The following SH3PXD2A variants were observed in gnomAD, a reference collection of about 807,000 sequenced individuals.
SH3PXD2A encodes SH3 and PX domains 2A, also known as SH3 and PX domain-containing protein 2A.
SH3PXD2A carries 32 observed loss-of-function variants against 115.2 expected under a neutral mutation model. The observed-to-expected ratio is 0.28, with a 90% confidence interval of 0.21 to 0.37. The LOEUF (loss-of-function observed/expected upper bound fraction) is 0.37, where lower values mean the gene tolerates loss of function less well. Ranked by LOEUF, SH3PXD2A falls within the 10% of genes least tolerant of loss-of-function variation. The pLI, the probability that SH3PXD2A is intolerant of heterozygous loss-of-function variation, is 1.00. For synonymous variants in SH3PXD2A, 610 were observed against 629.1 expected, an observed-to-expected ratio of 0.97 and a Z score of 0.45; for missense variants, 1,328 against 1,498.7, an observed-to-expected ratio of 0.89 and a Z score of 1.88.
chr10:103,776,395 CAAA>C (rs11384789), intron 2 of SH3PXD2A, among the ~76,000 whole-genome samples: 9 of 88,308 alleles, frequency 1.0e-4, no homozygotes, highest in Admixed American at 3.7e-4. Flanking sequence ...ACCACTGTCT[CAAA>C]AAAAAAAAAA....
intron 11 of SH3PXD2A, among the ~76,000 whole-genome samples, chr10:103,615,486 GTGT>G (rs2036500215): frequency 6.4e-5 from 2 of 31,264 alleles, no homozygotes; most frequent in East Asian, 1.7e-3. Flanking sequence ...GTGCGAGGGT[GTGT>G]GTGTGTGTGT....
chr10:103,649,844 C>T (rs1262033874), intron 8 of SH3PXD2A, among the ~76,000 whole-genome samples: 1 of 152,210 alleles, frequency 6.6e-6, no homozygotes, highest in African/African-American at 2.4e-5. Flanking sequence ...ACCTCACCCC[C>T]TTCCTGGGGG....
At chr10:103,674,498 C>T (rs945718321) in intron 6 of SH3PXD2A, among the ~76,000 whole-genome samples, 3 of 152,128 alleles carry the variant, frequency 2.0e-5, no homozygotes, top group Admixed American at 6.6e-5. Flanking sequence ...ACACGGATGG[C>T]CAATTCGTAA....
intron 6 of SH3PXD2A, among the ~76,000 whole-genome samples, chr10:103,680,733 AAAG>A (rs766752938): frequency 1.4e-4 from 21 of 152,250 alleles, no homozygotes; most frequent in Non-Finnish European, 2.9e-4. Flanking sequence ...GGCAAGGCAG[AAAG>A]AAGAGAGTCA....
intron 14 of SH3PXD2A, among the ~76,000 whole-genome samples, 195 bp downstream of exon 14, chr10:103,605,603 G>GT (rs1342982673): frequency 1.3e-5 from 2 of 152,194 alleles, no homozygotes; most frequent in Admixed American, 1.3e-4. Context: ...AGGGTGGAGC[G>GT]TGAGAGCTGG....
chr10:103,703,741 TTTAA>T (rs1436489871), intron 5 of SH3PXD2A, among the ~76,000 whole-genome samples: 1 of 152,196 alleles, frequency 6.6e-6, no homozygotes, highest in Non-Finnish European at 1.5e-5. Context: ...TTTCATTTTG[TTTAA>T]TTAAGACTTA....
At chr10:103,654,694 G>A (rs1225259293) in intron 8 of SH3PXD2A, among the ~76,000 whole-genome samples, 1 of 152,138 alleles carries the variant, frequency 6.6e-6, no homozygotes, top group Non-Finnish European at 1.5e-5. Context: ...TGGGATTACA[G>A]GCATAAGCCA....
intron 2 of SH3PXD2A, among the ~76,000 whole-genome samples, chr10:103,774,656 G>A (rs1182675809): frequency 6.6e-6 from 1 of 152,154 alleles, no homozygotes; most frequent in East Asian, 1.9e-4. Context: ...TCTGAAAAGT[G>A]TTGATTTTTG....
chr10:103,645,044 A>G (rs1039335234), intron 8 of SH3PXD2A, among the ~76,000 whole-genome samples: 3 of 152,140 alleles, frequency 2.0e-5, no homozygotes, highest in Admixed American at 2.0e-4. Flanking sequence ...CTTCAAAGCC[A>G]CTAACTTTGT....
chr10:103,744,190 G>A (rs2038475159), intron 3 of SH3PXD2A, among the ~76,000 whole-genome samples: 1 of 141,510 alleles, frequency 7.1e-6, no homozygotes, highest in Non-Finnish European at 1.5e-5. Flanking sequence ...TTTCGCTCTT[G>A]TTGCCCAGGC....
chr10:103,845,611 C>A (rs1377834551), intron 1 of SH3PXD2A, among the ~76,000 whole-genome samples: 2 of 152,272 alleles, frequency 1.3e-5, no homozygotes, highest in Non-Finnish European at 2.9e-5. Flanking sequence ...CAGTGGCCCT[C>A]GGGGCTGCTC....
At chr10:103,674,106 C>T (rs1027602346) in intron 6 of SH3PXD2A, among the ~76,000 whole-genome samples, 3 of 152,236 alleles carry the variant, frequency 2.0e-5, no homozygotes, top group Admixed American at 1.3e-4. Context: ...TCCCATACAA[C>T]TAAACTTTGT....
intron 1 of SH3PXD2A, among the ~76,000 whole-genome samples, chr10:103,823,724 C>T (rs2039402963): frequency 6.6e-6 from 1 of 152,206 alleles, no homozygotes; most frequent in Non-Finnish European, 1.5e-5. Flanking sequence ...TGTTTTGTCC[C>T]TGCCTCATGG....
intron 1 of SH3PXD2A, among the ~76,000 whole-genome samples, chr10:103,806,613 C>G (rs931423586): frequency 6.6e-6 from 1 of 152,216 alleles, no homozygotes; most frequent in East Asian, 1.9e-4. Flanking sequence ...TAACATTACC[C>G]GGCAGCTGGG....
At chr10:103,759,346 C>T (rs765797279) in intron 3 of SH3PXD2A, among the ~76,000 whole-genome samples, 5 of 152,330 alleles carry the variant, frequency 3.3e-5, no homozygotes, top group Middle Eastern at 3.4e-3. Flanking sequence ...AGGCTGGCAA[C>T]GCCTACCTTG....
intron 1 of SH3PXD2A, among the ~76,000 whole-genome samples, chr10:103,839,854 C>T (rs1160722648): frequency 1.3e-5 from 2 of 152,226 alleles, no homozygotes; most frequent in South Asian, 4.1e-4. Context: ...TTCTGGAGTC[C>T]GAGTTTGCAA....
intron 11 of SH3PXD2A, among the ~76,000 whole-genome samples, chr10:103,615,486 GTGTGTGTGT>G (rs2036500345): frequency 6.4e-5 from 2 of 31,246 alleles, no homozygotes; most frequent in Non-Finnish European, 1.1e-4. Flanking sequence ...GTGCGAGGGT[GTGTGTGTGT>G]GTGTGTGTGT....
Position 103,603,375 on chromosome 10 carries a change from C to T in SH3PXD2A, c.1843G>A (p.Glu615Lys), listed in dbSNP as rs1159617170. 3.7e-6 allele frequency: 6 copies of T among 1,614,158 alleles called. No individual in the cohort carries two copies. The highest frequency in any genetic ancestry group is 5.1e-6 in the Non-Finnish European group (6 of 1,180,012). ...TCATTCTCATAGATGGTCTCCTCTT[C>T]CAGGGCCACATCCTCTGAAGACTCA... Reference protein sequence around the residue: ...VGESSEDVALEEETIYENEGF... With the variant: ...VGESSEDVALKEETIYENEGF... Residue 615 changes from glutamate (E) to lysine (K), a missense_variant, in exon 15 of 15, where the codon GAA becomes AAA. Physicochemically the swap from Glu to Lys is moderately conservative, Grantham distance 56. Transcript: ENST00000369774.
intron 5 of SH3PXD2A, among the ~76,000 whole-genome samples, chr10:103,697,963 C>G (rs2037844604): frequency 6.6e-6 from 1 of 152,172 alleles, no homozygotes; most frequent in East Asian, 1.9e-4. Flanking sequence ...TCACCCATTT[C>G]ATGGATGAGG....
Sources: gnomAD v4.1 joint callset for allele counts (sites outside exome capture counted in the v4.1 genomes callset) on GRCh38, gnomAD v4.1.1 for gene constraint, MANE v1.5 for transcripts, NCBI Gene and HGNC (gene_info 2026-07-23, HGNC 2026-07-21) for gene names.